The following AXDND1 variants were observed in gnomAD, a reference collection of about 807,000 sequenced individuals.
AXDND1 encodes axonemal dynein light chain domain containing 1.
A neutral mutation model predicts 137.5 loss-of-function variants in AXDND1; 110 were observed. That is an observed-to-expected ratio of 0.80 (90% confidence interval 0.69 to 0.94). The LOEUF (loss-of-function observed/expected upper bound fraction) is 0.94, where lower values mean the gene tolerates loss of function less well. Among genes scored for constraint, AXDND1 ranks in the 40% least tolerant of loss-of-function variants. The pLI is 0.00. For synonymous variants in AXDND1, 414 were observed against 399.7 expected, an observed-to-expected ratio of 1.04 and a Z score of -0.43; for missense variants, 1,191 against 1,169.8, an observed-to-expected ratio of 1.02 and a Z score of -0.26.
intron 8 of AXDND1, among the ~76,000 whole-genome samples, chr1:179,383,868 T>C (rs1648781923): frequency 1.3e-5 from 2 of 152,142 alleles, no homozygotes; most frequent in Admixed American, 6.6e-5. Context: ...CCTTATTATT[T>C]TATGTAACAC....
chr1:179,379,725 G>A (rs550013452), intron 6 of AXDND1, among the ~76,000 whole-genome samples: 1 of 150,526 alleles, frequency 6.6e-6, no homozygotes, highest in South Asian at 2.1e-4. Context: ...GAACCTGGGA[G>A]GCGGAGGTTG....
At chr1:179,482,184 C>T (rs1042247036) in intron 17 of AXDND1, among the ~76,000 whole-genome samples, 1 of 136,628 alleles carries the variant, frequency 7.3e-6, no homozygotes, top group African/African-American at 2.8e-5. Context: ...GGGGTAGAGA[C>T]AATGGAAAGC....
intron 4 of AXDND1, among the ~76,000 whole-genome samples, chr1:179,377,014 C>T (rs1571540435): frequency 6.6e-6 from 1 of 152,126 alleles, no homozygotes; most frequent in Non-Finnish European, 1.5e-5. Flanking sequence ...TCACTGCAAC[C>T]TTTGCTTCCC....
At chr1:179,543,951 A>C (rs1672403037) in intron 25 of AXDND1, 1 of 152,642 alleles carries the variant, frequency 6.6e-6, no homozygotes, top group African/African-American at 2.4e-5. Flanking sequence ...CCATGCAAGG[A>C]CGGTGCTCTC....
At position 179,421,367 on chromosome 1, in the gene AXDND1, CTTTTTTTTTTTTTT is replaced by C. The variant is rs199703017; in HGVS notation, c.1231-8135_1231-8122del. 4.0e-4 allele frequency among the ~76,000 whole-genome samples: 43 copies of C among 107,228 alleles called. 1 individual carries two copies. Among genetic ancestry groups the C allele is most frequent in the South Asian group, 1.7e-3 (6 of 3,436 alleles). 70.3% of individuals were successfully genotyped at this position (107,228 alleles called of 152,430 possible). On this transcript the variant is annotated intron_variant, in intron 12 of 25. Coordinates refer to ENST00000367618, the MANE Select transcript of AXDND1 (RefSeq NM_144696.6). ...CTTCCTTCCTTTTCTTTTTCTTTTC[CTTTTTTTTTTTTTT>C]TTTTTTTTTTTTTTTGAGACAGAGT...
At chr1:179,483,963 G>A (rs894602280) in intron 18 of AXDND1, among the ~76,000 whole-genome samples, 1 of 152,200 alleles carries the variant, frequency 6.6e-6, no homozygotes, top group African/African-American at 2.4e-5. Flanking sequence ...AGATTGGAAA[G>A]ACTGGTGCAC....
At chr1:179,375,224 G>A (rs1398413520) in intron 4 of AXDND1, among the ~76,000 whole-genome samples, 2 of 151,592 alleles carry the variant, frequency 1.3e-5, no homozygotes, top group Non-Finnish European at 2.9e-5. Flanking sequence ...TCAGCCTCCC[G>A]AGTAGCTGGG....
chr1:179,418,736 C>G (rs186954303), intron 12 of AXDND1, among the ~76,000 whole-genome samples: 1 of 149,134 alleles, frequency 6.7e-6, no homozygotes, highest in Non-Finnish European at 1.5e-5. Flanking sequence ...ACCTCCCTCC[C>G]GGACGGGGTG....
At chr1:179,463,549 A>G (rs1662675318) in intron 16 of AXDND1, among the ~76,000 whole-genome samples, 1 of 152,198 alleles carries the variant, frequency 6.6e-6, no homozygotes, top group East Asian at 1.9e-4. Context: ...CTATGTGGTC[A>G]ATTTTGGAAT....
chr1:179,488,640 TTTCTTTCTTTCTTTC>T (rs1352549961), intron 18 of AXDND1, among the ~76,000 whole-genome samples: 1 of 36,504 alleles, frequency 2.7e-5, no homozygotes, highest in African/African-American at 9.9e-5. Flanking sequence ...CTCTCCTTTC[TTTCTTTCTTTCTTTC>T]TTTCTTTCTT....
At chr1:179,449,057 T>C (rs1660141839) in intron 16 of AXDND1, 1 of 421,680 alleles carries the variant, frequency 2.4e-6, no homozygotes, top group Non-Finnish European at 4.7e-6. Flanking sequence ...GACTAATTTT[T>C]TTATTTTTTG....
chr1:179,499,298 CT>C (rs1225931394), intron 20 of AXDND1, among the ~76,000 whole-genome samples: 5 of 152,050 alleles, frequency 3.3e-5, no homozygotes, highest in African/African-American at 1.2e-4. Context: ...ATGGAAGAAC[CT>C]TGAAAACATG....
chr1:179,424,035 G>T (rs1156715464), intron 12 of AXDND1, among the ~76,000 whole-genome samples: 1 of 152,084 alleles, frequency 6.6e-6, no homozygotes, highest in Admixed American at 6.6e-5. Flanking sequence ...GAGAGGTCTG[G>T]TGGTGGTAAA....
chr1:179,411,075 T>A, intron 11 of AXDND1, 71 bp from the exon 12 acceptor site: 1 of 1,270,136 alleles, frequency 7.9e-7, no homozygotes, highest in Non-Finnish European at 1.1e-6. Context: ...ACAAATTTCT[T>A]TTTTAAAAAA....
rs767601125 is a variant in AXDND1, at chr1:179,393,906, G to C, written c.867G>C (p.Glu289Asp). ...TTTTTGGTTGTTTGTCATGCAGAGAGAGGTATGTGCAAATGCTTGACCAGA... is the reference window on the plus strand; with the variant it reads ...TTTTTGGTTGTTTGTCATGCAGAGACAGGTATGTGCAAATGCTTGACCAGA... ...DRGELLSKVRERYVQMLDQIA... is the reference protein window; with the variant it reads ...DRGELLSKVRDRYVQMLDQIA... Residue 289 changes from glutamate (E) to aspartate (D), a missense_variant, in exon 10 of 26, where the codon GAG (glutamate) becomes GAC (aspartate). By Grantham distance (45) the Glu-to-Asp change is conservative. Coordinates refer to ENST00000367618, the MANE Select transcript of AXDND1 (RefSeq NM_144696.6). 6.3e-7 allele frequency: 1 copy of C among 1,591,960 alleles called. No individual in the cohort carries two copies. The highest frequency in any genetic ancestry group is 1.2e-5 in the South Asian group (1 of 86,894).
At chr1:179,457,370 T>G in intron 16 of AXDND1, 3 of 464,376 alleles carry the variant, frequency 6.5e-6, no homozygotes, top group Non-Finnish European at 1.2e-5. Flanking sequence ...TGATGCTTCT[T>G]CGGCGGCGTC....
chr1:179,443,251 G>A (rs10913760), intron 15 of AXDND1, among the ~76,000 whole-genome samples: 44,347 of 151,898 alleles, frequency 0.29, 6,667 homozygotes, highest in Non-Finnish European at 0.31. Flanking sequence ...CCCGTCCCAC[G>A]GGGCTTCGGC....
At chr1:179,443,853 A>G (rs550625045) in intron 15 of AXDND1, among the ~76,000 whole-genome samples, 11 of 152,334 alleles carry the variant, frequency 7.2e-5, no homozygotes, top group African/African-American at 2.2e-4. Context: ...TGATCAAATT[A>G]CTATCATGTT....
chr1:179,368,399 A>G (rs1051476672), intron 2 of AXDND1, among the ~76,000 whole-genome samples: 1 of 152,234 alleles, frequency 6.6e-6, no homozygotes, highest in Non-Finnish European at 1.5e-5. Flanking sequence ...TAAGAAAAAA[A>G]TTACTAAATA....
Sources: allele counts gnomAD v4.1 joint callset (sites outside exome capture counted in the v4.1 genomes callset), GRCh38; gene constraint gnomAD v4.1.1; transcripts MANE v1.5; gene names NCBI Gene and HGNC (gene_info 2026-07-23, HGNC 2026-07-21).